ARK2C: variants seen among roughly 807,000 people sequenced by gnomAD.
ARK2C encodes arkadia (RNF111) C-terminal like ring finger ubiquitin ligase 2C.
the ARK2C span, among the ~76,000 whole-genome samples, chr18:46,404,908 G>C: frequency 6.6e-6 from 1 of 152,108 alleles, no homozygotes; most frequent in Admixed American, 6.6e-5. Context: ...GAGAAGTTAC[G>C]TGAGGTGCTC....
the ARK2C span, among the ~76,000 whole-genome samples, chr18:46,367,316 A>G: frequency 6.6e-6 from 1 of 152,202 alleles, no homozygotes; most frequent in African/African-American, 2.4e-5. Flanking sequence ...TTTAAAAGTC[A>G]ACAGTTCAGT....
chr18:46,335,373 C>T, the ARK2C span: 1 of 152,162 alleles, frequency 6.6e-6, no homozygotes, highest in South Asian at 2.1e-4. Context: ...ATTTTCCCCT[C>T]TTCTCCCCAC....
chr18:46,341,789 C>T, the ARK2C span, among the ~76,000 whole-genome samples: 1 of 152,222 alleles, frequency 6.6e-6, no homozygotes, highest in African/African-American at 2.4e-5. Flanking sequence ...ACAATATGAA[C>T]TCCTCCCGGA....
At chr18:46,457,096 C>T in the ARK2C span, 1 of 156,572 alleles carries the variant, frequency 6.4e-6, no homozygotes, top group Non-Finnish European at 1.4e-5. Context: ...GTGTGGTGCT[C>T]TAGTCATCTT....
the ARK2C span, among the ~76,000 whole-genome samples, chr18:46,424,576 C>T: frequency 6.6e-6 from 1 of 152,206 alleles, no homozygotes; most frequent in Non-Finnish European, 1.5e-5. Context: ...GGCGGTACAA[C>T]ACTGAACACA....
chr18:46,447,669 A>G, the ARK2C span: 1 of 1,614,100 alleles, frequency 6.2e-7, no homozygotes, highest in Non-Finnish European at 8.5e-7. Flanking sequence ...CCACTTTCCC[A>G]GAAACTCCTC....
the ARK2C span, among the ~76,000 whole-genome samples, chr18:46,434,078 G>T: frequency 6.6e-6 from 1 of 152,212 alleles, no homozygotes; most frequent in Non-Finnish European, 1.5e-5. Context: ...CAAGCAGGGA[G>T]TGAAATTAGA....
chr18:46,405,359 G>A, the ARK2C span, among the ~76,000 whole-genome samples: 3 of 152,110 alleles, frequency 2.0e-5, no homozygotes, highest in African/African-American at 7.2e-5. Context: ...CACAGGGCTG[G>A]CACTCGGAAG....
the ARK2C span, among the ~76,000 whole-genome samples, chr18:46,374,290 C>A: frequency 6.6e-6 from 1 of 152,112 alleles, no homozygotes; most frequent in Non-Finnish European, 1.5e-5. Flanking sequence ...CCATTTTAAC[C>A]ATTAAGTGCC....
the ARK2C span, chr18:46,460,424 GGTTTTGTGA>G: frequency 6.6e-6 from 1 of 152,072 alleles, no homozygotes; most frequent in Non-Finnish European, 1.5e-5. Context: ...TAGTTTACAG[GGTTTTGTGA>G]GTTTAAATGC....
At chr18:46,400,993 C>T in the ARK2C span, among the ~76,000 whole-genome samples, 7 of 152,240 alleles carry the variant, frequency 4.6e-5, no homozygotes, top group Admixed American at 3.3e-4. Flanking sequence ...GATGACCTCC[C>T]GCAAAGCTAA....
chr18:46,433,064 C>A, the ARK2C span: 1 of 646,358 alleles, frequency 1.5e-6, no homozygotes, highest in Non-Finnish European at 2.6e-6. Context: ...ACAGTGATGA[C>A]GCTGCTGTGT....
the ARK2C span, among the ~76,000 whole-genome samples, chr18:46,391,416 G>A: frequency 0.015 from 2,323 of 152,230 alleles, 53 homozygotes; most frequent in African/African-American, 0.052. Flanking sequence ...TGGGCTCACT[G>A]TATGCTCTCA....
At chr18:46,443,571 T>A in the ARK2C span, among the ~76,000 whole-genome samples, 1 of 152,226 alleles carries the variant, frequency 6.6e-6, no homozygotes, top group Admixed American at 6.5e-5. Flanking sequence ...GAATCAAATC[T>A]TGCCTGCTCT....
chr18:46,404,479 C>G, the ARK2C span, among the ~76,000 whole-genome samples: 3 of 152,028 alleles, frequency 2.0e-5, no homozygotes, highest in Non-Finnish European at 4.4e-5. Flanking sequence ...ACTGACCAGG[C>G]GTGGTGGCTC....
At chr18:46,428,804 T>C in the ARK2C span, among the ~76,000 whole-genome samples, 1 of 152,224 alleles carries the variant, frequency 6.6e-6, no homozygotes, top group African/African-American at 2.4e-5. Context: ...ATTTCAACTG[T>C]TTCTTTTTAC....
At chr18:46,401,482 C>T in the ARK2C span, among the ~76,000 whole-genome samples, 2 of 152,170 alleles carry the variant, frequency 1.3e-5, no homozygotes, top group Non-Finnish European at 2.9e-5. Context: ...ACAAAAAGAC[C>T]TTAGCAATTC....
the ARK2C span, among the ~76,000 whole-genome samples, chr18:46,377,134 G>A: frequency 1.3e-5 from 2 of 152,132 alleles, no homozygotes; most frequent in Non-Finnish European, 2.9e-5. Context: ...CACATGGCCT[G>A]ACCTTGGATT....
At chr18:46,390,683 G>A in the ARK2C span, among the ~76,000 whole-genome samples, 30 of 152,170 alleles carry the variant, frequency 2.0e-4, no homozygotes, top group Non-Finnish European at 4.1e-4. Flanking sequence ...TTTATGGGGT[G>A]TGGAATATCA....
Sources: allele counts gnomAD v4.1 joint callset (sites outside exome capture counted in the v4.1 genomes callset), GRCh38; gene constraint gnomAD v4.1.1; transcripts MANE v1.5; gene names NCBI Gene and HGNC (gene_info 2026-07-23, HGNC 2026-07-21).